Variants in ADAMTS17 observed in about 807,000 individuals in gnomAD.
ADAMTS17 encodes the protein ADAM metallopeptidase with thrombospondin type 1 motif 17.
A neutral mutation model predicts 141.5 loss-of-function variants in ADAMTS17; 113 were observed. The observed-to-expected ratio is 0.80, with a 90% confidence interval of 0.69 to 0.93. The LOEUF is 0.93. Among genes scored for constraint, ADAMTS17 ranks in the 40% least tolerant of loss-of-function variants. The probability of loss-of-function intolerance (pLI) is 0.00; values close to 1 mark genes in which losing one functional copy is unlikely to be tolerated. For synonymous variants in ADAMTS17, 768 were observed against 630.6 expected, an observed-to-expected ratio of 1.22 and a Z score of -3.27; for missense variants, 1,659 against 1,517.9, an observed-to-expected ratio of 1.09 and a Z score of -1.54.
At chr15:100,096,750 T>G (rs1205012312) in intron 14 of ADAMTS17, among the ~76,000 whole-genome samples, 1 of 152,254 alleles carries the variant, frequency 6.6e-6, no homozygotes, top group Non-Finnish European at 1.5e-5. Context: ...CAAGTGCCCA[T>G]GGGGGTCACG....
Position 100,110,458 on chromosome 15 carries a change from G to A in ADAMTS17, c.1889-1342C>T, listed in dbSNP as rs147386962. ...TTTTTGTATTTTCAGTAGAGACACC[G>A]TTTCACCGTGTTAGCCAGGGTGGTC... On this transcript the variant is annotated intron_variant, in intron 13 of 21. Coordinates refer to ENST00000268070, the MANE Select transcript of ADAMTS17 (RefSeq NM_139057.4). 3.3e-3 allele frequency among the ~76,000 whole-genome samples: 506 copies of A among 151,584 alleles called. 4 individuals carry two copies. The highest frequency in any genetic ancestry group is 0.017 in the East Asian group (89 of 5,146).
chr15:100,049,236 C>T (rs1216450591), intron 17 of ADAMTS17, among the ~76,000 whole-genome samples: 1 of 152,210 alleles, frequency 6.6e-6, no homozygotes, highest in African/African-American at 2.4e-5. Flanking sequence ...AAAGCAGCAA[C>T]ACCTCAGATC....
intron 2 of ADAMTS17, among the ~76,000 whole-genome samples, chr15:100,333,514 G>C (rs990916946): frequency 2.0e-5 from 3 of 152,210 alleles, no homozygotes; most frequent in Non-Finnish European, 4.4e-5. Flanking sequence ...TGTGTAGCCA[G>C]GGTTGAGAAG....
chr15:100,281,452 A>C (rs768834157), intron 3 of ADAMTS17, 51 bp from the exon 4 acceptor site: 8 of 1,579,064 alleles, frequency 5.1e-6, no homozygotes, highest in African/African-American at 1.3e-5. Context: ...TGACTTCCAA[A>C]ACCATGCAGT....
intron 18 of ADAMTS17, among the ~76,000 whole-genome samples, chr15:100,031,012 G>A (rs1323417272): frequency 3.9e-5 from 6 of 152,192 alleles, no homozygotes; most frequent in Non-Finnish European, 8.8e-5. Context: ...CGTTCACGGA[G>A]TGCTGACTCG....
At chr15:100,113,919 G>A (rs1180937196) in intron 13 of ADAMTS17, among the ~76,000 whole-genome samples, 2 of 152,226 alleles carry the variant, frequency 1.3e-5, no homozygotes, top group East Asian at 1.9e-4. Flanking sequence ...TGGGCCCATG[G>A]CCTGCTGGCC....
At chr15:100,302,974 C>T (rs1567511714) in intron 3 of ADAMTS17, among the ~76,000 whole-genome samples, 1 of 151,930 alleles carries the variant, frequency 6.6e-6, no homozygotes, top group Non-Finnish European at 1.5e-5. Flanking sequence ...TGTCCTCAAA[C>T]ATCGGACTCC....
chr15:100,072,987 G>A (rs976219933), intron 15 of ADAMTS17, among the ~76,000 whole-genome samples: 3 of 152,296 alleles, frequency 2.0e-5, no homozygotes, highest in Non-Finnish European at 4.4e-5. Context: ...GCAACCTGCA[G>A]AATGGGAGAA....
intron 18 of ADAMTS17, among the ~76,000 whole-genome samples, chr15:100,032,970 C>T (rs2030331116): frequency 6.6e-6 from 1 of 152,168 alleles, no homozygotes; most frequent in African/African-American, 2.4e-5. Flanking sequence ...TGCTTCTGTA[C>T]TTTACGTCTT....
chr15:100,127,634 TGCAGTGGTGTGATC>T (rs778392171), intron 12 of ADAMTS17, among the ~76,000 whole-genome samples: 3 of 152,204 alleles, frequency 2.0e-5, no homozygotes, highest in Non-Finnish European at 4.4e-5. Context: ...CAGGCTGGAG[TGCAGTGGTGTGATC>T]GCAGCTCACT....
intron 15 of ADAMTS17, among the ~76,000 whole-genome samples, chr15:100,077,460 T>TAAAAAAAA (rs2034458653): frequency 1.1e-4 from 1 of 9,314 alleles, no homozygotes; most frequent in African/African-American, 3.4e-4. Context: ...AGACTCCCTC[T>TAAAAAAAA]CAAAAAAAAA....
chr15:100,213,446 AAAG>A (rs1224248111), intron 7 of ADAMTS17, among the ~76,000 whole-genome samples: 1 of 152,212 alleles, frequency 6.6e-6, no homozygotes, highest in Non-Finnish European at 1.5e-5. Context: ...GTCTAAGACC[AAAG>A]AAGCATTTAC....
rs542112928 is a variant in ADAMTS17 at position 100,215,187 on chromosome 15, A to T, written c.1076-15764T>A. Among the ~76,000 whole-genome samples, 269 of 152,350 alleles carry T rather than the reference A, an allele frequency of 1.8e-3. 2 individuals are homozygous for T. Among genetic ancestry groups the T allele is most frequent in the African/African-American group, 6.1e-3 (254 of 41,590 alleles). ...ACGCAGTAGCAATACTAAATCAGAC[A>T]GACTGGCGAGGCCAGCAATTAAACC... On this transcript the variant is annotated intron_variant, in intron 7 of 21. Transcript: ENST00000268070.
chr15:100,163,763 AG>A (rs1381848848), intron 8 of ADAMTS17, among the ~76,000 whole-genome samples: 1 of 152,210 alleles, frequency 6.6e-6, no homozygotes, highest in Non-Finnish European at 1.5e-5. Context: ...GGTAGCTCCT[AG>A]GAAGTTTTCA....
intron 8 of ADAMTS17, among the ~76,000 whole-genome samples, chr15:100,157,068 G>C (rs1328039386): frequency 6.6e-6 from 1 of 152,200 alleles, no homozygotes; most frequent in African/African-American, 2.4e-5. Context: ...GGTGGCAGGG[G>C]AGAGAAGCAC....
At chr15:100,185,287 C>T (rs1261757068) in intron 8 of ADAMTS17, among the ~76,000 whole-genome samples, 1 of 152,138 alleles carries the variant, frequency 6.6e-6, no homozygotes, top group African/African-American at 2.4e-5. Context: ...AGACATAAAG[C>T]CCTGAGAACA....
At chr15:100,099,408 G>A (rs955933981) in intron 14 of ADAMTS17, among the ~76,000 whole-genome samples, 2 of 152,224 alleles carry the variant, frequency 1.3e-5, no homozygotes, top group East Asian at 3.8e-4. Context: ...TCAAATGGAA[G>A]CTGCCATAGG....
chr15:100,293,827 G>A (rs762041539), intron 3 of ADAMTS17, among the ~76,000 whole-genome samples: 1 of 152,228 alleles, frequency 6.6e-6, no homozygotes, highest in African/African-American at 2.4e-5. Context: ...GTTATTGAAC[G>A]ATTTGTTTAA....
rs1264238009 is a variant in ADAMTS17, at chr15:99,974,035, C to G, written c.*367G>C. The G allele has an allele frequency of 5.7e-6, 2 of 351,064 alleles. No homozygotes were observed. Among genetic ancestry groups the G allele is most frequent in the Admixed American group, 8.4e-5 (2 of 23,836 alleles). 21.7% of individuals were successfully genotyped at this position (351,064 alleles called of 1,614,324 possible). ...ATGTCTCGTTTTGGGGATGTTTCCT[C>G]CATGATATACCAAGCACTGGAAATT... On this transcript the variant is annotated 3_prime_UTR_variant, in exon 22 of 22. Transcript: ENST00000268070.
Sources: gnomAD v4.1 joint callset for allele counts (sites outside exome capture counted in the v4.1 genomes callset) on GRCh38, gnomAD v4.1.1 for gene constraint, MANE v1.5 for transcripts, NCBI Gene and HGNC (gene_info 2026-07-23, HGNC 2026-07-21) for gene names.